AKAP9: variants seen among roughly 807,000 people sequenced by gnomAD.
AKAP9 encodes the protein A-kinase anchoring protein 9.
Under a neutral mutation model 488.5 loss-of-function variants are expected in AKAP9, and 311 were observed. The ratio of observed to expected loss-of-function variants is 0.64; its 90% confidence interval spans 0.58 to 0.70. The LOEUF is 0.70. Among genes scored for constraint, AKAP9 ranks in the 30% least tolerant of loss-of-function variants. The pLI, the probability that AKAP9 is intolerant of heterozygous loss-of-function variation, is 0.00. For synonymous variants in AKAP9, 1,462 were observed against 1,483.5 expected (o/e 0.99, Z 0.33); for missense variants, 4,215 against 4,374.5 (o/e 0.96, Z 1.03).
rs747994062 is a variant in AKAP9 at position 92,080,102 on chromosome 7, CAG to C, written c.7977_7978del (p.Lys2660ArgfsTer10). The stretch of plus-strand genomic sequence containing the variant: ...GCTATTGGAGGGCAATGAGAAAAAA[CAG>C]AGAGAGAAAGAAAAGAAAAGAAGCC... ...QKLLEGNEKKQREKEKKRSPQ... is the reference protein window; with the variant it reads ...QKLLEGNEKKXREKEKKRSPQ... On this transcript the variant is annotated frameshift_variant, in exon 31 of 50. Coordinates refer to ENST00000356239, the MANE Select transcript of AKAP9 (RefSeq NM_005751.5). LOFTEE classifies it high-confidence loss of function. 5.7e-6 allele frequency: 9 copies of C among 1,592,022 alleles called. No homozygotes were observed. Among genetic ancestry groups the C allele is most frequent in the South Asian group, 1.1e-5 (1 of 87,900 alleles).
chr7:92,028,793 A>T (rs1803746485), intron 14 of AKAP9, among the ~76,000 whole-genome samples: 1 of 152,224 alleles, frequency 6.6e-6, no homozygotes, highest in Non-Finnish European at 1.5e-5. Flanking sequence ...TATTAAGCTT[A>T]ACAATTACTT....
At chr7:92,065,925 A>T (rs1250739289) in intron 25 of AKAP9, among the ~76,000 whole-genome samples, 1 of 151,236 alleles carries the variant, frequency 6.6e-6, no homozygotes, top group African/African-American at 2.4e-5. Context: ...CTAATTTCAC[A>T]TTTTTTTTTC....
At chr7:92,018,216 T>C (rs1345169443) in intron 12 of AKAP9, among the ~76,000 whole-genome samples, 1 of 152,016 alleles carries the variant, frequency 6.6e-6, no homozygotes, top group Admixed American at 6.6e-5. Context: ...TTTTTTTTCT[T>C]TTAAAAATAT....
chr7:91,995,800 G>T lies in AKAP9; in HGVS notation c.930G>T (p.Met310Ile), dbSNP rs768608735. 2.5e-6 allele frequency: 4 copies of T among 1,596,630 alleles called. No individual in the cohort carries two copies. The highest frequency in any genetic ancestry group is 2.2e-5 in the East Asian group (1 of 44,634). ...AAGAGAAAATTAAAGTATATGAAAT[G>T]GTATGTTTATTTTAAGGAAGTCAGC... ...FLQEKIKVYE[M>I]EQDKKVENSN... Residue 310 changes from methionine to isoleucine, a missense_variant and splice_region_variant, in exon 7 of 50, where the codon ATG becomes ATT. Physicochemically the swap from Met to Ile is conservative, Grantham distance 10 (BLOSUM62 1). Coordinates refer to ENST00000356239, the MANE Select transcript of AKAP9 (RefSeq NM_005751.5).
intron 22 of AKAP9, among the ~76,000 whole-genome samples, chr7:92,056,611 T>G (rs1808829358): frequency 6.6e-6 from 1 of 151,682 alleles, no homozygotes; most frequent in South Asian, 2.1e-4. Flanking sequence ...CAAAAAATTT[T>G]TATTGCCTAG....
At chr7:92,100,772 G>A (rs1817399384) in intron 44 of AKAP9, 84 bp from the exon 45 acceptor site, 3 of 1,507,812 alleles carry the variant, frequency 2.0e-6, no homozygotes, top group Non-Finnish European at 9.2e-7. Context: ...AGTTGAGACT[G>A]CATCATCATG....
At chr7:91,961,913 C>T (rs1252113178) in intron 1 of AKAP9, among the ~76,000 whole-genome samples, 2 of 152,112 alleles carry the variant, frequency 1.3e-5, no homozygotes, top group Non-Finnish European at 2.9e-5. Flanking sequence ...ATGTTCTGAT[C>T]AGGGTAAGAC....
intron 1 of AKAP9, among the ~76,000 whole-genome samples, chr7:91,966,893 T>C (rs1794498043): frequency 6.6e-6 from 1 of 152,220 alleles, no homozygotes; most frequent in South Asian, 2.1e-4. Context: ...AGGGATTGTA[T>C]TGAATCTGTA....
intron 22 of AKAP9, 80 bp from the exon 23 acceptor site, chr7:92,061,180 T>C: frequency 6.5e-7 from 1 of 1,527,558 alleles, no homozygotes; most frequent in South Asian, 1.1e-5. Context: ...AAATCCTCCT[T>C]TTTTCCAGCT....
chr7:92,095,086 G>GA lies in AKAP9; in HGVS notation c.9648dup (p.Ser3217IlefsTer19). 1 of 1,614,160 alleles carries GA rather than the reference G, an allele frequency of 6.2e-7. No individual in the cohort carries two copies. Among genetic ancestry groups the GA allele is most frequent in the Non-Finnish European group, 8.5e-7 (1 of 1,180,008 alleles). On this transcript the variant is annotated frameshift_variant, in exon 40 of 50. Transcript: ENST00000356239. LOFTEE classifies it high-confidence loss of function. ...TTAATGACACATTAGCAAGTGAACAGAAAAAATCAAGAGAGCTCCAGTGGG... is the reference window on the plus strand; with the variant it reads ...TTAATGACACATTAGCAAGTGAACAGAAAAAAATCAAGAGAGCTCCAGTGGG...
At chr7:92,008,803 G>C (rs1800290766) in intron 8 of AKAP9, among the ~76,000 whole-genome samples, 1 of 151,834 alleles carries the variant, frequency 6.6e-6, no homozygotes, top group South Asian at 2.1e-4. Context: ...TGGCCAACAT[G>C]GTGAAACCCT....
chr7:92,040,434 T>G (rs1326225598), intron 17 of AKAP9, among the ~76,000 whole-genome samples: 1 of 152,134 alleles, frequency 6.6e-6, no homozygotes, highest in Non-Finnish European at 1.5e-5. Flanking sequence ...CTAAACTAAT[T>G]GATAAATAGC....
At chr7:91,947,189 T>A (rs1263844080) in intron 1 of AKAP9, among the ~76,000 whole-genome samples, 10 of 151,810 alleles carry the variant, frequency 6.6e-5, no homozygotes, top group Admixed American at 5.9e-4. Context: ...TGTGTGTGTG[T>A]GTGTGTGCTG....
intron 1 of AKAP9, chr7:91,970,473 A>T (rs1258682297): frequency 6.6e-6 from 3 of 456,928 alleles, no homozygotes; most frequent in Non-Finnish European, 1.3e-5. Flanking sequence ...TTTCTTTCAG[A>T]TTGAAGAACT....
rs1284614501 is a variant in AKAP9 at position 92,079,871 on chromosome 7, G to A, written c.7738G>A (p.Glu2580Lys). 1.2e-6 allele frequency: 2 copies of A among 1,614,012 alleles called. No homozygotes were observed. Among genetic ancestry groups the A allele is most frequent in the Admixed American group, 1.7e-5 (1 of 60,022 alleles). ...TCAAGATAATCAAACAATTTCATCAGAACCTGAAAGAACAAATATTCAGAA... is the reference window on the plus strand; with the variant it reads ...TCAAGATAATCAAACAATTTCATCAAAACCTGAAAGAACAAATATTCAGAA... The part of the protein sequence containing the change: ...FCQDNQTISS[E>K]PERTNIQNLN... The change falls in exon 31 of 50, where the codon GAA (glutamate) becomes AAA (lysine). Residue 2580 changes from glutamate to lysine, a missense_variant. By Grantham distance (56) the Glu-to-Lys change is moderately conservative (BLOSUM62 1). Around this residue, in one of 5 missense-constraint regions of AKAP9, gnomAD observed 1,476 missense variants for 1,477.4 expected, o/e 1.00. Coordinates refer to ENST00000356239, the MANE Select transcript of AKAP9 (RefSeq NM_005751.5).
At chr7:92,057,423 TCAAA>T (rs1320034995) in intron 22 of AKAP9, among the ~76,000 whole-genome samples, 2 of 152,112 alleles carry the variant, frequency 1.3e-5, no homozygotes, top group African/African-American at 4.8e-5. Context: ...AAATGCCCTT[TCAAA>T]GCCCTGACGT....
At chr7:92,051,001 C>A (rs1239324040) in intron 21 of AKAP9, among the ~76,000 whole-genome samples, 1 of 152,152 alleles carries the variant, frequency 6.6e-6, no homozygotes, top group Non-Finnish European at 1.5e-5. Context: ...CTTTAACTTA[C>A]CTCTGCATTG....
At chr7:91,942,587 C>G (rs1224186203) in intron 1 of AKAP9, among the ~76,000 whole-genome samples, 1 of 152,186 alleles carries the variant, frequency 6.6e-6, no homozygotes, top group Non-Finnish European at 1.5e-5. Context: ...AGATGTCTTA[C>G]TTGTCTGTTA....
chr7:92,082,706 T>C, intron 32 of AKAP9, 44 bp downstream of exon 32: 1 of 1,602,160 alleles, frequency 6.2e-7, no homozygotes, highest in Non-Finnish European at 8.5e-7. Flanking sequence ...TTTCTACCTA[T>C]CTTAATTACG....
Sources: allele counts gnomAD v4.1 joint callset (sites outside exome capture counted in the v4.1 genomes callset), GRCh38; gene constraint gnomAD v4.1.1; regional missense constraint gnomAD v4.1.1; transcripts MANE v1.5; gene names NCBI Gene and HGNC (gene_info 2026-07-23, HGNC 2026-07-21).